Variants in GCC2 observed in about 807,000 individuals in gnomAD.
The protein encoded by GCC2 is GRIP and coiled-coil domain containing 2, also known as GRIP and coiled-coil domain-containing protein 2.
Under a neutral mutation model 210.6 loss-of-function variants are expected in GCC2, and 120 were observed. That is an observed-to-expected ratio of 0.57 (90% CI 0.49 to 0.66). The LOEUF (loss-of-function observed/expected upper bound fraction) is 0.66. Ranked by LOEUF, GCC2 falls within the 30% of genes least tolerant of loss-of-function variation. The probability of loss-of-function intolerance (pLI) is 0.00; values close to 1 mark genes in which losing one functional copy is unlikely to be tolerated. For missense variants in GCC2, 1,868 were observed against 1,871.9 expected, an observed-to-expected ratio of 1.00 and a Z score of 0.04; for synonymous variants, 703 against 652.7, an observed-to-expected ratio of 1.08 and a Z score of -1.17.
At chr2:108,492,503 C>T in intron 18 of GCC2, 70 bp from the exon 19 acceptor site, 1 of 955,700 alleles carries the variant, frequency 1.0e-6, no homozygotes. Context: ...CTTGCAGAAC[C>T]CAGTTGAGAA....
At chr2:108,489,037 TATA>T (rs1682278326) in intron 17 of GCC2, among the ~76,000 whole-genome samples, 1 of 152,220 alleles carries the variant, frequency 6.6e-6, no homozygotes, top group Non-Finnish European at 1.5e-5. Flanking sequence ...TCTACTTTCT[TATA>T]ATATAAATAC....
chr2:108,498,021 G>A (rs556170651), intron 21 of GCC2, among the ~76,000 whole-genome samples: 2 of 152,068 alleles, frequency 1.3e-5, no homozygotes, highest in African/African-American at 4.8e-5. Context: ...GCTGAATTCA[G>A]TTATTTTCAG....
Position 108,461,828 on chromosome 2 carries a change from TTCTTTTTC to T in GCC2, c.217-7150_217-7143del, listed in dbSNP as rs1431326084. ...CACTAAATAGGTTTTCTTTTTTTTTTTCTTTTTCTTTTTTTTTTTTTTTGAGACAGAGT... is the reference window on the plus strand; with the variant it reads ...CACTAAATAGGTTTTCTTTTTTTTTTTTTTTTTTTTTTTTTGAGACAGAGT... On this transcript the variant is annotated intron_variant, in intron 4 of 22. Coordinates refer to ENST00000309863, the MANE Select transcript of GCC2 (RefSeq NM_181453.4). Among the ~76,000 whole-genome samples, 468 of 137,968 alleles carry T rather than the reference TTCTTTTTC, an allele frequency of 3.4e-3. 3 individuals carry two copies. The highest frequency in any genetic ancestry group is 9.7e-3 in the South Asian group (42 of 4,332). The allele number at this position is 137,968 out of a possible 152,430, so 90.5% of individuals were successfully genotyped here.
chr2:108,476,640 A>G (rs1389454091), intron 9 of GCC2, among the ~76,000 whole-genome samples: 4 of 151,778 alleles, frequency 2.6e-5, no homozygotes, highest in Admixed American at 2.0e-4. Context: ...AAAGATAAGA[A>G]TTAAAAATTA....
At chr2:108,463,580 C>T (rs890181746) in intron 4 of GCC2, among the ~76,000 whole-genome samples, 1 of 152,092 alleles carries the variant, frequency 6.6e-6, no homozygotes, top group East Asian at 1.9e-4. Flanking sequence ...GTCTTCAGGT[C>T]GCAGTGGTGG....
At chr2:108,473,471 G>C (rs1489621282) in intron 7 of GCC2, 1 of 152,338 alleles carries the variant, frequency 6.6e-6, no homozygotes, top group Non-Finnish European at 1.5e-5. Context: ...GAAGTTCCTG[G>C]AGAGGTAGGA....
chr2:108,457,131 C>T (rs978235280), intron 4 of GCC2, among the ~76,000 whole-genome samples: 1 of 151,766 alleles, frequency 6.6e-6, no homozygotes, highest in Non-Finnish European at 1.5e-5. Flanking sequence ...TAATATAAGT[C>T]TTTAATCTAT....
intron 4 of GCC2, among the ~76,000 whole-genome samples, chr2:108,454,225 C>T (rs576489683): frequency 6.6e-6 from 1 of 152,258 alleles, no homozygotes; most frequent in South Asian, 2.1e-4. Flanking sequence ...CTCCTGACCT[C>T]GTGATCCACC....
At position 108,489,823 on chromosome 2, in the gene GCC2, G is replaced by A. The variant is rs757390911; in HGVS notation, c.4053-15G>A. The A allele has an allele frequency of 5.6e-5, 88 of 1,570,880 alleles. No individual in the cohort carries two copies. Among genetic ancestry groups the A allele is most frequent in the Non-Finnish European group, 7.2e-5 (83 of 1,160,066 alleles). Reference sequence around the variant, plus strand: ...CTTTTTCAAAAAATTTTAAAACTGTGTATTTCTGTTTTAGGGAACATCTGG... The same window carrying A: ...CTTTTTCAAAAAATTTTAAAACTGTATATTTCTGTTTTAGGGAACATCTGG... On this transcript the variant is annotated splice_polypyrimidine_tract_variant and intron_variant, in intron 17 of 22. Transcript: ENST00000309863.
chr2:108,487,432 T>G (rs148393171), intron 16 of GCC2, among the ~76,000 whole-genome samples: 2 of 152,316 alleles, frequency 1.3e-5, no homozygotes, highest in Non-Finnish European at 2.9e-5. Flanking sequence ...TACCCTGATT[T>G]GCTTATTAGA....
At chr2:108,452,614 G>A in intron 4 of GCC2, 148 bp downstream of exon 4, 1 of 623,926 alleles carries the variant, frequency 1.6e-6, no homozygotes, top group Non-Finnish European at 2.9e-6. Flanking sequence ...TAAAAAGAGG[G>A]GGTTAATGAC....
At chr2:108,477,586 A>G (rs1445087371) in intron 9 of GCC2, among the ~76,000 whole-genome samples, 1 of 152,210 alleles carries the variant, frequency 6.6e-6, no homozygotes, top group East Asian at 1.9e-4. Flanking sequence ...AAACCAATGA[A>G]GAAAGAAATT....
chr2:108,476,223 C>A (rs1681517346), intron 9 of GCC2, among the ~76,000 whole-genome samples: 1 of 151,790 alleles, frequency 6.6e-6, no homozygotes, highest in Non-Finnish European at 1.5e-5. Flanking sequence ...CCATGCCCGG[C>A]CAGTTTTTGT....
At chr2:108,505,386 C>T (rs1164441649) in intron 22 of GCC2, among the ~76,000 whole-genome samples, 1 of 152,198 alleles carries the variant, frequency 6.6e-6, no homozygotes, top group Non-Finnish European at 1.5e-5. Context: ...AGACAGACTT[C>T]TCAGAATTCT....
At chr2:108,465,883 C>T (rs908756548) in intron 4 of GCC2, among the ~76,000 whole-genome samples, 1 of 152,148 alleles carries the variant, frequency 6.6e-6, no homozygotes, top group Non-Finnish European at 1.5e-5. Context: ...GAAACGTAGT[C>T]TCTCTCTGTC....
intron 4 of GCC2, among the ~76,000 whole-genome samples, chr2:108,461,531 G>A (rs1680570866): frequency 6.6e-6 from 1 of 152,064 alleles, no homozygotes; most frequent in African/African-American, 2.4e-5. Context: ...TCGAGGCATA[G>A]TTTCACTCTT....
chr2:108,501,898 G>A (rs1172110255), intron 22 of GCC2, among the ~76,000 whole-genome samples: 8 of 152,082 alleles, frequency 5.3e-5, no homozygotes, highest in East Asian at 3.8e-4. Context: ...AAGGAGGAAT[G>A]TTCTCAATAC....
At chr2:108,459,055 A>G (rs1184410917) in intron 4 of GCC2, among the ~76,000 whole-genome samples, 1 of 152,194 alleles carries the variant, frequency 6.6e-6, no homozygotes, top group East Asian at 1.9e-4. Flanking sequence ...GTTTATTGCC[A>G]TAAACTTAGT....
chr2:108,456,948 T>TA (rs59458748), intron 4 of GCC2, among the ~76,000 whole-genome samples: 22,343 of 133,550 alleles, frequency 0.17, 2,045 homozygotes, highest in African/African-American at 0.26. Context: ...AGCCCTTACA[T>TA]AAAAAAAAAA....
Sources: gnomAD v4.1 joint callset for allele counts (sites outside exome capture counted in the v4.1 genomes callset) on GRCh38, gnomAD v4.1.1 for gene constraint, MANE v1.5 for transcripts, NCBI Gene and HGNC (gene_info 2026-07-23, HGNC 2026-07-21) for gene names.